The following CNBD1 variants were observed in gnomAD, a reference collection of about 807,000 sequenced individuals.
CNBD1 encodes the protein cyclic nucleotide-binding domain-containing protein 1.
In CNBD1, 71 loss-of-function variants were observed where a neutral mutation model predicts 54.4. The observed-to-expected ratio is 1.30, with a 90% CI of 1.08 to 1.59. The LOEUF is 1.59. Ranked by LOEUF, CNBD1 falls within the 40% of genes most tolerant of loss-of-function variation. The pLI, the probability that CNBD1 is intolerant of heterozygous loss-of-function variation, is 0.00. For synonymous variants in CNBD1, 182 were observed against 170.7 expected (o/e 1.07, Z -0.51); for missense variants, 659 against 518.0 (o/e 1.27, Z -2.64).
chr8:87,056,203 T>A (rs1810414039), intron 4 of CNBD1, among the ~76,000 whole-genome samples: 1 of 152,044 alleles, frequency 6.6e-6, no homozygotes, highest in South Asian at 2.1e-4. Flanking sequence ...GCAGTTTATA[T>A]AAAAGCATCT....
At chr8:87,074,565 C>T (rs959869466) in intron 4 of CNBD1, among the ~76,000 whole-genome samples, 5 of 152,162 alleles carry the variant, frequency 3.3e-5, no homozygotes, top group African/African-American at 1.2e-4. Flanking sequence ...GCCCTGGTGC[C>T]ATGGGCTCAC....
chr8:87,178,534 C>T (rs947586967), intron 4 of CNBD1, among the ~76,000 whole-genome samples: 2 of 152,134 alleles, frequency 1.3e-5, no homozygotes, highest in Non-Finnish European at 2.9e-5. Flanking sequence ...TAGATGCAGT[C>T]GGAGAGATAG....
intron 2 of CNBD1, among the ~76,000 whole-genome samples, chr8:87,425,405 G>T (rs954783881): frequency 6.6e-6 from 1 of 152,170 alleles, no homozygotes; most frequent in African/African-American, 2.4e-5. Context: ...CTGATTTTTA[G>T]AGTTTCCAGT....
At chr8:86,931,895 A>G (rs4961000) in intron 3 of CNBD1, among the ~76,000 whole-genome samples, 72,524 of 151,916 alleles carry the variant, frequency 0.48, 18,313 homozygotes, top group South Asian at 0.6. Flanking sequence ...GTTATGGTGG[A>G]CATCATTGAA....
chr8:87,390,423 G>A (rs543907819), intron 2 of CNBD1, among the ~76,000 whole-genome samples: 1 of 152,100 alleles, frequency 6.6e-6, no homozygotes, highest in Non-Finnish European at 1.5e-5. Flanking sequence ...ATCAAAAAGT[G>A]GGTGAAGGAT....
At chr8:87,386,019 A>G, downstream of CNBD1, among the ~76,000 whole-genome samples, 1 of 152,060 alleles carries the variant, frequency 6.6e-6, no homozygotes, top group East Asian at 1.9e-4. Context: ...TCTGGAGTGG[A>G]CCTCCAGCAA....
chr8:87,127,661 A>G (rs987561082), intron 4 of CNBD1, among the ~76,000 whole-genome samples: 2 of 152,226 alleles, frequency 1.3e-5, no homozygotes, highest in East Asian at 3.9e-4. Flanking sequence ...TTTATGTCTT[A>G]GCTAGAACCT....
chr8:87,293,164 T>A (rs1797081489), intron 8 of CNBD1, among the ~76,000 whole-genome samples: 1 of 152,174 alleles, frequency 6.6e-6, no homozygotes. Flanking sequence ...AATATGAAAT[T>A]TGTCTCTTCA....
intron 10 of CNBD1, among the ~76,000 whole-genome samples, chr8:87,376,601 T>A (rs1810945007): frequency 6.6e-6 from 1 of 151,974 alleles, no homozygotes; most frequent in Non-Finnish European, 1.5e-5. Flanking sequence ...GACATATGTA[T>A]TCATAGAGTT....
intron 4 of CNBD1, among the ~76,000 whole-genome samples, chr8:87,083,328 A>G (rs1811032993): frequency 6.6e-6 from 1 of 152,182 alleles, no homozygotes; most frequent in Admixed American, 6.5e-5. Flanking sequence ...GAGATTAACT[A>G]AGAGTCTAGC....
In CNBD1 at chr8:87,353,623, A is replaced by AT. The variant is rs755033590; in HGVS notation, c.1153-6dup. 9.2e-6 allele frequency: 14 copies of AT among 1,526,254 alleles called. No homozygotes were observed. The highest frequency in any genetic ancestry group is 4.2e-5 in the African/African-American group (3 of 71,912). The allele number at this position is 1,526,254 out of a possible 1,614,324, so 94.5% of individuals were successfully genotyped here. ...CAGTTGCATTAAACATCAATAATAT[A>AT]TTTTTTTAACAGAAAAGATCTCAAA... On this transcript the variant is annotated splice_polypyrimidine_tract_variant and intron_variant, in intron 9 of 10. Coordinates refer to ENST00000518476, the MANE Select transcript of CNBD1 (RefSeq NM_173538.3).
chr8:87,378,011 T>C (rs1441544850), intron 10 of CNBD1, among the ~76,000 whole-genome samples: 4 of 135,374 alleles, frequency 3.0e-5, no homozygotes, highest in African/African-American at 1.1e-4. Flanking sequence ...TTTGTTTTTT[T>C]CTTGTAAATT....
intron 4 of CNBD1, among the ~76,000 whole-genome samples, chr8:86,998,209 GT>G (rs34866172): frequency 0.03 from 4,218 of 142,082 alleles, 82 homozygotes; most frequent in African/African-American, 0.042. Context: ...GTGTGTTTCT[GT>G]TTTTTTTTTT....
intron 8 of CNBD1, among the ~76,000 whole-genome samples, chr8:87,334,843 C>T (rs907974437): frequency 4.6e-5 from 7 of 151,922 alleles, no homozygotes; most frequent in Non-Finnish European, 8.8e-5. Flanking sequence ...CCTGCCTCAG[C>T]CTCCAGAGCC....
chr8:87,080,421 A>G (rs1031296284), intron 4 of CNBD1, among the ~76,000 whole-genome samples: 7 of 152,146 alleles, frequency 4.6e-5, no homozygotes, highest in African/African-American at 7.2e-5. Flanking sequence ...GTCTCTACTA[A>G]TAACGCAAAA....
At chr8:86,985,363 A>G (rs1156797859) in intron 4 of CNBD1, among the ~76,000 whole-genome samples, 1 of 152,178 alleles carries the variant, frequency 6.6e-6, no homozygotes, top group Non-Finnish European at 1.5e-5. Context: ...ATTACCCACT[A>G]GCCAGTTTTT....
intron 6 of CNBD1, among the ~76,000 whole-genome samples, chr8:87,267,018 T>G (rs1428651603): frequency 6.6e-6 from 1 of 152,136 alleles, no homozygotes; most frequent in Non-Finnish European, 1.5e-5. Context: ...TGATACCTGT[T>G]TAAAATCAGC....
chr8:87,357,030 A>T (rs919550444), intron 10 of CNBD1, among the ~76,000 whole-genome samples: 15 of 152,190 alleles, frequency 9.9e-5, no homozygotes, highest in African/African-American at 3.4e-4. Flanking sequence ...TGTAAGCTAT[A>T]AGCCTTTGTG....
chr8:87,260,670 G>A (rs528914105), intron 6 of CNBD1, among the ~76,000 whole-genome samples: 7 of 152,092 alleles, frequency 4.6e-5, no homozygotes, highest in South Asian at 4.1e-4. Context: ...TTCCTTGAGC[G>A]GCCCTAGTGA....
Sources: gnomAD v4.1 joint callset for allele counts (sites outside exome capture counted in the v4.1 genomes callset) on GRCh38, gnomAD v4.1.1 for gene constraint, MANE v1.5 for transcripts, NCBI Gene and HGNC (gene_info 2026-07-23, HGNC 2026-07-21) for gene names.